Variants in KCNK1 observed in about 807,000 individuals in gnomAD.
The protein encoded by KCNK1 is potassium two pore domain channel subfamily K member 1.
In KCNK1, 10 loss-of-function variants were observed where a neutral mutation model predicts 22.2. That is an observed-to-expected ratio of 0.45 (90% CI 0.28 to 0.76). KCNK1 has a LOEUF of 0.76. Ranked by LOEUF, KCNK1 falls within the 30% of genes least tolerant of loss-of-function variation. The pLI, the probability that KCNK1 is intolerant of heterozygous loss-of-function variation, is 0.14. For missense variants in KCNK1, 378 were observed against 421.0 expected (o/e 0.90, Z 0.89); for synonymous variants, 200 against 186.4 (o/e 1.07, Z -0.60).
intron 1 of KCNK1, among the ~76,000 whole-genome samples, chr1:233,663,363 T>C (rs1371790930): frequency 1.3e-5 from 2 of 152,356 alleles, no homozygotes; most frequent in Non-Finnish European, 2.9e-5. Flanking sequence ...TAGAGTCTTA[T>C]AATGATTATC....
intron 1 of KCNK1, among the ~76,000 whole-genome samples, chr1:233,628,026 C>T (rs1657720280): frequency 1.3e-5 from 2 of 152,210 alleles, no homozygotes; most frequent in Admixed American, 6.5e-5. Context: ...TTAGTCATCT[C>T]TACCCAGATG....
intron 1 of KCNK1, among the ~76,000 whole-genome samples, chr1:233,644,357 T>G (rs1658053389): frequency 6.6e-6 from 1 of 152,206 alleles, no homozygotes; most frequent in Non-Finnish European, 1.5e-5. Context: ...AATTCATATA[T>G]TCAACAAATA....
intron 2 of KCNK1, among the ~76,000 whole-genome samples, chr1:233,668,209 C>T (rs904163948): frequency 6.6e-6 from 1 of 152,144 alleles, no homozygotes; most frequent in East Asian, 1.9e-4. Flanking sequence ...TTTCAATTTA[C>T]GACTTGGCTC....
chr1:233,631,225 G>C, intron 1 of KCNK1: 1 of 523,972 alleles, frequency 1.9e-6, no homozygotes, highest in Admixed American at 2.0e-5. Flanking sequence ...GATGGTGACC[G>C]ATTATCATTG....
Position 233,625,923 on chromosome 1 carries a change from C to A in KCNK1, c.355+11397C>A, listed in dbSNP as rs140285675. ...TGAGGTCAGGAAGAAGGGGAGGGAGCAGATGCTGTAGGATGTCCTAGGCCA... is the reference window on the plus strand; with the variant it reads ...TGAGGTCAGGAAGAAGGGGAGGGAGAAGATGCTGTAGGATGTCCTAGGCCA... On this transcript the variant is annotated intron_variant, in intron 1 of 2. Transcript: ENST00000366621. Among the ~76,000 whole-genome samples the A allele has an allele frequency of 2.0e-3, 303 of 152,124 alleles. 1 individual carries two copies. The highest frequency in any genetic ancestry group is 6.1e-3 in the African/African-American group (255 of 41,492).
intron 1 of KCNK1, among the ~76,000 whole-genome samples, chr1:233,644,700 G>A (rs909069173): frequency 6.6e-6 from 1 of 152,108 alleles, no homozygotes; most frequent in African/African-American, 2.4e-5. Context: ...CAAAGGCCCT[G>A]AGCTAGGATC....
At position 233,614,348 on chromosome 1, in the gene KCNK1, G is replaced by T; in HGVS notation, c.177G>T (p.Leu59=). ...EDLLRQELRK[L]KRRFLEEHEC... ...TGCTGCGCCAGGAGCTGCGCAAGCT[G>T]AAGCGACGCTTCTTGGAGGAGCACG... Residue 59 remains leucine (L), a synonymous_variant, in exon 1 of 3, where the codon CTG becomes CTT. Coordinates refer to ENST00000366621, the MANE Select transcript of KCNK1 (RefSeq NM_002245.4). 1.2e-6 allele frequency: 2 copies of T among 1,611,588 alleles called. No homozygotes were observed. The highest frequency in any genetic ancestry group is 1.1e-5 in the South Asian group (1 of 90,418).
intron 1 of KCNK1, among the ~76,000 whole-genome samples, chr1:233,649,789 T>G (rs1203162378): frequency 6.6e-6 from 1 of 152,188 alleles, no homozygotes; most frequent in Admixed American, 6.5e-5. Flanking sequence ...GGGATTAGGC[T>G]TTAACATATG....
chr1:233,667,609 A>G (rs1336923466), intron 2 of KCNK1, among the ~76,000 whole-genome samples: 1 of 151,128 alleles, frequency 6.6e-6, no homozygotes, highest in Non-Finnish European at 1.5e-5. Flanking sequence ...GGGCGCCTGT[A>G]GTCCCAGCTA....
intron 1 of KCNK1, among the ~76,000 whole-genome samples, chr1:233,642,854 T>C (rs908301075): frequency 6.6e-6 from 1 of 151,722 alleles, no homozygotes; most frequent in African/African-American, 2.4e-5. Flanking sequence ...CTGCAACCAC[T>C]GCCTCCTGGG....
Position 233,614,252 on chromosome 1 carries a change from G to T in KCNK1, c.81G>T (p.Val27=). ...CGGCCTGGTGCTTCGGCTTCCTGGTGCTGGGCTACTTGCTCTACCTGGTCT... is the reference window on the plus strand; with the variant it reads ...CGGCCTGGTGCTTCGGCTTCCTGGTTCTGGGCTACTTGCTCTACCTGGTCT... ...HRSAWCFGFL[V]LGYLLYLVFG... The change falls in exon 1 of 3, where the codon GTG becomes GTT. Residue 27 remains valine, a synonymous_variant. Coordinates refer to ENST00000366621, the MANE Select transcript of KCNK1 (RefSeq NM_002245.4). 6.2e-7 allele frequency: 1 copy of T among 1,613,198 alleles called. No individual in the cohort carries two copies. Among genetic ancestry groups the T allele is most frequent in the African/African-American group, 1.3e-5 (1 of 75,056 alleles).
intron 1 of KCNK1, among the ~76,000 whole-genome samples, chr1:233,631,743 G>A (rs1657801854): frequency 6.6e-6 from 1 of 152,176 alleles, no homozygotes; most frequent in Non-Finnish European, 1.5e-5. Context: ...CTAAAGAAAT[G>A]TGCTCACTGT....
chr1:233,627,775 A>G (rs982341538), intron 1 of KCNK1, among the ~76,000 whole-genome samples: 1 of 152,186 alleles, frequency 6.6e-6, no homozygotes, highest in Non-Finnish European at 1.5e-5. Context: ...ACCAACCAAG[A>G]TGGAATAAGG....
intron 1 of KCNK1, among the ~76,000 whole-genome samples, chr1:233,636,324 G>A (rs1208427634): frequency 1.3e-5 from 2 of 152,190 alleles, no homozygotes; most frequent in Non-Finnish European, 1.5e-5. Flanking sequence ...GACCAGCTGG[G>A]AAGCTATTAC....
chr1:233,671,414 C>G lies in KCNK1; in HGVS notation c.895C>G (p.Leu299Val). Residue 299 changes from leucine (L) to valine (V), a missense_variant, in exon 3 of 3, where the codon CTG becomes GTG. Leu to Val is a conservative substitution (Grantham distance 32). Coordinates refer to ENST00000366621, the MANE Select transcript of KCNK1 (RefSeq NM_002245.4). Reference protein sequence around the residue: ...DQVHIIEHDQLSFSSITDQAA... With the variant: ...DQVHIIEHDQVSFSSITDQAA... ...GGTGCACATCATAGAGCATGACCAA[C>G]TGTCCTTCTCCTCGATCACAGACCA... is the stretch of plus-strand genomic sequence containing the variant. 6.2e-7 allele frequency: 1 copy of G among 1,614,216 alleles called. No individual in the cohort carries two copies. The highest frequency in any genetic ancestry group is 8.5e-7 in the Non-Finnish European group (1 of 1,180,046).
chr1:233,618,421 C>T (rs1283737671), intron 1 of KCNK1, among the ~76,000 whole-genome samples: 14 of 150,992 alleles, frequency 9.3e-5, no homozygotes, highest in African/African-American at 3.4e-4. Flanking sequence ...GAAATAATGT[C>T]CAGGTGATAT....
At chr1:233,625,308 G>A (rs1657670168) in intron 1 of KCNK1, among the ~76,000 whole-genome samples, 1 of 152,186 alleles carries the variant, frequency 6.6e-6, no homozygotes, top group South Asian at 2.1e-4. Context: ...TCTCTGGAAT[G>A]GGGATTCTTA....
At chr1:233,631,141 G>A in intron 1 of KCNK1, 1 of 416,614 alleles carries the variant, frequency 2.4e-6, no homozygotes, top group East Asian at 7.4e-5. Flanking sequence ...CTCATCTCTG[G>A]CTCTCAGAAT....
intron 1 of KCNK1, among the ~76,000 whole-genome samples, chr1:233,640,600 A>G (rs988660573): frequency 2.0e-5 from 3 of 152,192 alleles, no homozygotes; most frequent in Admixed American, 2.0e-4. Flanking sequence ...TGTATTTTTA[A>G]TCTCTTAAGT....
Sources: gnomAD v4.1 joint callset for allele counts (sites outside exome capture counted in the v4.1 genomes callset) on GRCh38, gnomAD v4.1.1 for gene constraint, MANE v1.5 for transcripts, NCBI Gene and HGNC (gene_info 2026-07-23, HGNC 2026-07-21) for gene names.